The following EIF3M variants were observed in gnomAD, a reference collection of about 807,000 sequenced individuals.
The protein encoded by EIF3M is B5 receptor.
EIF3M carries 25 observed loss-of-function variants against 49.7 expected under a neutral mutation model. That is an observed-to-expected ratio of 0.50 (90% confidence interval 0.37 to 0.70). The LOEUF (loss-of-function observed/expected upper bound fraction) is 0.70, where lower values mean the gene tolerates loss of function less well. Ranked by LOEUF, EIF3M falls within the 30% of genes least tolerant of loss-of-function variation. The pLI is 0.00. For synonymous variants in EIF3M, 156 were observed against 149.8 expected (o/e 1.04, Z -0.30); for missense variants, 350 against 440.0 (o/e 0.80, Z 1.83).
chr11:32,589,732 G>C (rs1392545339), intron 5 of EIF3M, 91 bp downstream of exon 5: 4 of 1,095,520 alleles, frequency 3.7e-6, no homozygotes, highest in Non-Finnish European at 5.4e-6. Flanking sequence ...CAGTAATTTT[G>C]CTTTACTCTG....
chr11:32,591,981 C>A (rs1369239134), intron 5 of EIF3M: 2 of 263,688 alleles, frequency 7.6e-6, no homozygotes, highest in South Asian at 4.6e-5. Flanking sequence ...ATCATATCCT[C>A]CACTGCTGCC....
rs11031895 is a variant in EIF3M at position 32,604,308 on chromosome 11, A to G, written c.*1909A>G. Reference sequence around the variant, plus strand: ...CCAGGTAATTTTTGTATTTTTTGCCATGTTGCCCAGGCTGGTCTCTCTTAA... The same window carrying G: ...CCAGGTAATTTTTGTATTTTTTGCCGTGTTGCCCAGGCTGGTCTCTCTTAA... On this transcript the variant is annotated 3_prime_UTR_variant, in exon 11 of 11. Coordinates refer to ENST00000531120, the MANE Select transcript of EIF3M (RefSeq NM_006360.6). 0.16 allele frequency: 24,114 copies of G among 152,030 alleles called. 2,034 individuals carry two copies. Among genetic ancestry groups the G allele is most frequent in the South Asian group, 0.27 (1,308 of 4,812 alleles). The allele number at this position is 152,030 out of a possible 1,614,324, so 9.4% of individuals were successfully genotyped here.
chr11:32,601,689 A>G, intron 9 of EIF3M, 73 bp from the exon 10 acceptor site: 2 of 1,394,252 alleles, frequency 1.4e-6, no homozygotes, highest in South Asian at 2.5e-5. Context: ...TTACTTGGTC[A>G]CAGTTTTCAT....
chr11:32,584,122 C>G (rs1854953289), intron 1 of EIF3M, 193 bp downstream of exon 1: 1 of 672,568 alleles, frequency 1.5e-6, no homozygotes, highest in African/African-American at 1.9e-5. Context: ...CCGGCGGTCC[C>G]AGCGCGGGGC....
In EIF3M at chr11:32,592,049, G is replaced by T. The variant is rs954752355; in HGVS notation, c.534-1817G>T. ...TATCAAAACCAGGACAACTGCGGTA[G>T]TTGCCACCATCACCTTCAAATCCAT... On this transcript the variant is annotated intron_variant, in intron 5 of 10. Coordinates refer to ENST00000531120, the MANE Select transcript of EIF3M (RefSeq NM_006360.6). 1.1e-5 allele frequency: 3 copies of T among 276,792 alleles called. No homozygotes were observed. The South Asian group carries it at 1.1e-4, about 10-fold the overall frequency. The allele number at this position is 276,792 out of a possible 1,614,324, so 17.1% of individuals were successfully genotyped here.
Position 32,602,238 on chromosome 11 carries a change from A to G in EIF3M, c.1005-41A>G, listed in dbSNP as rs775660528. 4 of 1,593,440 alleles carry G rather than the reference A, an allele frequency of 2.5e-6. No homozygotes were observed. In the African/African-American group the frequency reaches 4.1e-5, roughly 16 times the overall value. ...GTATTATAAAAGAATACCAGAGGCT[A>G]AAAGGTTGACTAACACTGTGTTTAA... is the stretch of plus-strand genomic sequence containing the variant. On this transcript the variant is annotated intron_variant, in intron 10 of 10. Transcript: ENST00000531120.
intron 5 of EIF3M, 118 bp from the exon 6 acceptor site, chr11:32,593,748 T>G: frequency 6.9e-6 from 4 of 578,774 alleles, no homozygotes; most frequent in Non-Finnish European, 1.1e-5. Flanking sequence ...AGACAGGGAC[T>G]TTGTCTCTCT....
At chr11:32,594,648 G>C (rs1210169030) in intron 6 of EIF3M, 1 of 300,714 alleles carries the variant, frequency 3.3e-6, no homozygotes, top group East Asian at 6.7e-5. Context: ...ATGTGGTTCT[G>C]CTGCTGCTTA....
chr11:32,602,185 C>G lies in EIF3M; in HGVS notation c.1005-94C>G. Reference sequence around the variant, plus strand: ...CTATTCTAAATTAGGTATATTTAATCTTGCTTTTAACTGGATTCAAATCTG... The same window carrying G: ...CTATTCTAAATTAGGTATATTTAATGTTGCTTTTAACTGGATTCAAATCTG... On this transcript the variant is annotated intron_variant, in intron 10 of 10. Coordinates refer to ENST00000531120, the MANE Select transcript of EIF3M (RefSeq NM_006360.6). 7 of 1,520,276 alleles carry G rather than the reference C, an allele frequency of 4.6e-6. No homozygotes were observed. The South Asian group carries it at 8.7e-5, about 19-fold the overall frequency. The allele number at this position is 1,520,276 out of a possible 1,614,324, so 94.2% of individuals were successfully genotyped here. A position where few individuals can be genotyped will look rare whatever the true frequency, so the allele number is the denominator to read the frequency against.
chr11:32,594,041 T>A, intron 6 of EIF3M, 92 bp downstream of exon 6: 2 of 832,392 alleles, frequency 2.4e-6, no homozygotes, highest in South Asian at 3.2e-5. Flanking sequence ...TGTTTGCAAC[T>A]ACCAGTGATC....
chr11:32,585,597 A>G (rs1342757167), intron 1 of EIF3M, among the ~76,000 whole-genome samples: 2 of 152,216 alleles, frequency 1.3e-5, no homozygotes, highest in East Asian at 1.9e-4. Context: ...GTTCTTAGAA[A>G]AAGTTTGCTG....
chr11:32,593,468 T>G (rs962928326), intron 5 of EIF3M, among the ~76,000 whole-genome samples: 1 of 152,216 alleles, frequency 6.6e-6, no homozygotes, highest in Admixed American at 6.5e-5. Flanking sequence ...TGGTTTTCCC[T>G]CTGCTTGGAA....
chr11:32,596,920 AAGAG>A (rs1191551066), intron 8 of EIF3M, among the ~76,000 whole-genome samples: 11 of 152,196 alleles, frequency 7.2e-5, no homozygotes, highest in East Asian at 1.9e-4. Flanking sequence ...ACAAAAAAAA[AAGAG>A]AGAGAAAATG....
chr11:32,584,043 A>G (rs1854950676), intron 1 of EIF3M, 114 bp downstream of exon 1: 3 of 1,392,820 alleles, frequency 2.2e-6, no homozygotes, highest in South Asian at 2.5e-5. Flanking sequence ...CAGCTGTTCT[A>G]CACGCGAGAA....
chr11:32,584,864 T>C (rs1854970498), intron 1 of EIF3M, among the ~76,000 whole-genome samples: 1 of 152,220 alleles, frequency 6.6e-6, no homozygotes, highest in South Asian at 2.1e-4. Flanking sequence ...ATTTTCCCCA[T>C]AACAAAAGTT....
At chr11:32,590,181 G>A (rs1461447635) in intron 5 of EIF3M, among the ~76,000 whole-genome samples, 1 of 152,070 alleles carries the variant, frequency 6.6e-6, no homozygotes, top group African/African-American at 2.4e-5. Flanking sequence ...GATTGAGAAA[G>A]AAAATCAAAG....
chr11:32,583,935 C>T lies in EIF3M; in HGVS notation c.42+6C>T, dbSNP rs1854947327. 4 of 1,612,048 alleles carry T rather than the reference C, an allele frequency of 2.5e-6. No homozygotes were observed. The highest frequency in any genetic ancestry group is 3.4e-6 in the Non-Finnish European group (4 of 1,179,826). On this transcript the variant is annotated splice_donor_region_variant and intron_variant, in intron 1 of 10. Coordinates refer to ENST00000531120, the MANE Select transcript of EIF3M (RefSeq NM_006360.6). The stretch of plus-strand genomic sequence containing the variant: ...ACATCAGTGAAGAAGATCAGGTGTG[C>T]TTCGGTCTACGGGTGCCGCCACGGT...
In EIF3M at chr11:32,589,278, G is replaced by A. The variant is rs142224866; in HGVS notation, c.438+143G>A. On this transcript the variant is annotated intron_variant, in intron 4 of 10. Coordinates refer to ENST00000531120, the MANE Select transcript of EIF3M (RefSeq NM_006360.6). The stretch of plus-strand genomic sequence containing the variant: ...CGCAACCTCCGCCTCCAGGGTTCAA[G>A]CAGTTCTCCTTCCTCTGCCTCCTGA... The A allele has an allele frequency of 8.5e-3, 10,959 of 1,286,844 alleles. 76 individuals are homozygous for A. Among genetic ancestry groups the A allele is most frequent in the Non-Finnish European group, 0.011 (10,051 of 950,370 alleles). 79.7% of individuals were successfully genotyped at this position (1,286,844 alleles called of 1,614,324 possible). A position where few individuals can be genotyped will look rare whatever the true frequency, so the allele number is the denominator to read the frequency against.
chr11:32,598,284 A>G (rs1855209826), intron 8 of EIF3M, among the ~76,000 whole-genome samples: 1 of 151,998 alleles, frequency 6.6e-6, no homozygotes, highest in African/African-American at 2.4e-5. Flanking sequence ...ATTTTAAGAC[A>G]GGGGTCAGTG....
Sources: gnomAD v4.1 joint callset for allele counts (sites outside exome capture counted in the v4.1 genomes callset) on GRCh38, gnomAD v4.1.1 for gene constraint, MANE v1.5 for transcripts, NCBI Gene and HGNC (gene_info 2026-07-23, HGNC 2026-07-21) for gene names.